The following NCALD variants were observed in gnomAD, a reference collection of about 807,000 sequenced individuals.
NCALD encodes the protein neurocalcin-delta.
A neutral mutation model predicts 18.6 loss-of-function variants in NCALD; 10 were observed. The ratio of observed to expected loss-of-function variants is 0.54; its 90% CI spans 0.33 to 0.91. The LOEUF is 0.91. Among genes scored for constraint, NCALD ranks in the 40% least tolerant of loss-of-function variants. The probability of loss-of-function intolerance (pLI) is 0.03; values close to 1 mark genes in which losing one functional copy is unlikely to be tolerated. For synonymous variants in NCALD, 88 were observed against 87.4 expected (o/e 1.01, Z -0.04); for missense variants, 184 against 247.6 (o/e 0.74, Z 1.72).
intron 1 of NCALD, among the ~76,000 whole-genome samples, chr8:102,040,245 T>C (rs905067465): frequency 6.6e-6 from 1 of 152,094 alleles, no homozygotes; most frequent in Admixed American, 6.6e-5. Context: ...TATTGTAACA[T>C]GCTACTACAG....
chr8:102,043,995 A>G (rs569345185), intron 1 of NCALD, among the ~76,000 whole-genome samples: 11 of 151,992 alleles, frequency 7.2e-5, no homozygotes, highest in African/African-American at 2.7e-4. Flanking sequence ...CAAAGACTCT[A>G]GTTTGCCTCA....
At chr8:102,089,922 T>C (rs1243252390) in intron 1 of NCALD, among the ~76,000 whole-genome samples, 1 of 152,240 alleles carries the variant, frequency 6.6e-6, no homozygotes, top group Non-Finnish European at 1.5e-5. Context: ...CTTGAAGCAC[T>C]AATCTAATCT....
chr8:101,841,249 G>A lies in NCALD; in HGVS notation c.-20+45892C>T, dbSNP rs1365291736. 2.0e-5 allele frequency among the ~76,000 whole-genome samples: 3 copies of A among 152,340 alleles called. No individual in the cohort carries two copies. The East Asian group carries it at 5.8e-4, about 29-fold the overall frequency. On this transcript the variant is annotated intron_variant, in intron 4 of 6. Transcript: ENST00000311028. ...TAATGAGACCAGCTTCTGTCACTCA[G>A]GGATGCTGTGGCCTGAAGCCAGTGA...
Position 101,856,101 on chromosome 8 carries a change from C to T in NCALD, c.-20+31040G>A, listed in dbSNP as rs534962609. ...AAAAGATGAAGAATGGGATCTAAGC[C>T]CCAACCCTGGATCAACTACAGCAGC... is the stretch of plus-strand genomic sequence containing the variant. On this transcript the variant is annotated intron_variant, in intron 4 of 6. Coordinates refer to the NCALD transcript ENST00000311028. Among the ~76,000 whole-genome samples the T allele has an allele frequency of 2.0e-5, 3 of 152,238 alleles. No individual in the cohort carries two copies. The East Asian group carries it at 5.8e-4, about 29-fold the overall frequency.
At chr8:101,939,611 AAAAT>A (rs1818883867) in intron 2 of NCALD, among the ~76,000 whole-genome samples, 3 of 152,324 alleles carry the variant, frequency 2.0e-5, no homozygotes, top group Admixed American at 1.3e-4. Context: ...CTTAGTAAAA[AAAAT>A]AAATAAATAA....
chr8:102,050,641 T>A (rs1479470658), intron 1 of NCALD, among the ~76,000 whole-genome samples: 1 of 148,126 alleles, frequency 6.8e-6, no homozygotes, highest in African/African-American at 2.5e-5. Flanking sequence ...ATACTTTATA[T>A]AGCATACATT....
chr8:101,876,442 C>A (rs921978590), intron 4 of NCALD, among the ~76,000 whole-genome samples: 1 of 152,196 alleles, frequency 6.6e-6, no homozygotes, highest in Non-Finnish European at 1.5e-5. Flanking sequence ...CTGCATCTCA[C>A]GGGACATCAT....
chr8:101,911,356 CTTTTCTTTT>C (rs1176439265), intron 3 of NCALD, among the ~76,000 whole-genome samples: 1 of 140,406 alleles, frequency 7.1e-6, no homozygotes, highest in Non-Finnish European at 1.5e-5. Flanking sequence ...TCTTTTTTTT[CTTTTCTTTT>C]TTTTTTTTTT....
intron 3 of NCALD, among the ~76,000 whole-genome samples, chr8:101,908,591 A>G (rs1029304214): frequency 1.3e-5 from 2 of 152,178 alleles, no homozygotes; most frequent in African/African-American, 4.8e-5. Context: ...AGAAGACTTC[A>G]TGCAATAAAA....
intron 2 of NCALD, among the ~76,000 whole-genome samples, chr8:101,992,507 T>G (rs1821085221): frequency 6.6e-6 from 1 of 152,212 alleles, no homozygotes. Context: ...AGAGGTCAAC[T>G]GTGCTGGTCC....
At chr8:101,925,536 C>A (rs1818306839) in intron 2 of NCALD, among the ~76,000 whole-genome samples, 1 of 152,182 alleles carries the variant, frequency 6.6e-6, no homozygotes, top group Admixed American at 6.5e-5. Context: ...GGCTCATTAG[C>A]ACCATTGCCA....
intron 2 of NCALD, among the ~76,000 whole-genome samples, chr8:101,700,401 A>G (rs1177115324): frequency 6.6e-6 from 1 of 152,044 alleles, no homozygotes; most frequent in Admixed American, 6.6e-5. Context: ...AGGACTTGGG[A>G]GGTCTCATAT....
In NCALD at chr8:102,003,830, C is replaced by A. The variant is rs534215870; in HGVS notation, c.-157+16407G>T. Among the ~76,000 whole-genome samples the A allele has an allele frequency of 4.1e-3, 620 of 152,210 alleles. 4 individuals carry two copies. The highest frequency in any genetic ancestry group is 0.013 in the African/African-American group (543 of 41,526). ...AAGGCCTTTGACAAAATTCAACAACCCTTCATGCTAAAACCTCTCAATAAA... is the reference window on the plus strand; with the variant it reads ...AAGGCCTTTGACAAAATTCAACAACACTTCATGCTAAAACCTCTCAATAAA... On this transcript the variant is annotated intron_variant, in intron 2 of 6. Coordinates refer to the NCALD transcript ENST00000311028.
intron 4 of NCALD, among the ~76,000 whole-genome samples, chr8:101,823,234 T>C (rs1342976112): frequency 1.3e-5 from 2 of 152,194 alleles, no homozygotes; most frequent in African/African-American, 2.4e-5. Context: ...ATTCTTTTGT[T>C]TTCCTCCCGC....
intron 1 of NCALD, among the ~76,000 whole-genome samples, chr8:101,744,184 A>G (rs1810331445): frequency 6.6e-6 from 1 of 152,076 alleles, no homozygotes; most frequent in African/African-American, 2.4e-5. Flanking sequence ...GATCCTCCCC[A>G]AAGACTCCAG....
intron 2 of NCALD, among the ~76,000 whole-genome samples, chr8:102,003,908 G>A (rs1266582810): frequency 3.9e-5 from 6 of 152,052 alleles, no homozygotes; most frequent in Admixed American, 6.5e-5. Context: ...TATGACAAAC[G>A]CACAGCCAAT....
intron 4 of NCALD, among the ~76,000 whole-genome samples, chr8:101,881,588 A>G (rs887628250): frequency 6.6e-6 from 1 of 152,206 alleles, no homozygotes; most frequent in Non-Finnish European, 1.5e-5. Flanking sequence ...AAGGACCAAA[A>G]GGCCCTTAAT....
chr8:102,124,148 C>G (rs1016107413), intron 1 of NCALD: 4 of 152,100 alleles, frequency 2.6e-5, no homozygotes, highest in East Asian at 3.9e-4. Context: ...CGGGTCCCCC[C>G]CAGCAGCCGC....
At chr8:101,756,084 CTT>C (rs34257056) in intron 1 of NCALD, among the ~76,000 whole-genome samples, 92 of 148,710 alleles carry the variant, frequency 6.2e-4, no homozygotes, top group Middle Eastern at 3.4e-3. Context: ...CTTCCCCCAC[CTT>C]TTTTTTTTTT....
Sources: gnomAD v4.1 joint callset for allele counts (sites outside exome capture counted in the v4.1 genomes callset) on GRCh38, gnomAD v4.1.1 for gene constraint, MANE v1.5 for transcripts, NCBI Gene and HGNC (gene_info 2026-07-23, HGNC 2026-07-21) for gene names.